Variants in A4GNT observed in about 807,000 individuals in gnomAD.
A4GNT encodes the protein alpha-1,4-N-acetylglucosaminyltransferase.
A4GNT carries 6 observed loss-of-function variants against 8.3 expected under a neutral mutation model. That is an observed-to-expected ratio of 0.72 (90% CI 0.39 to 1.42). The LOEUF (loss-of-function observed/expected upper bound fraction) is 1.42. Among genes scored for constraint, A4GNT ranks in the 40% most tolerant of loss-of-function variants. A4GNT has a pLI of 0.02. For synonymous variants in A4GNT, 157 were observed against 159.8 expected (o/e 0.98, Z 0.13); for missense variants, 377 against 417.0 (o/e 0.90, Z 0.84).
chr3:138,127,647 G>A (rs961018097), intron 2 of A4GNT, among the ~76,000 whole-genome samples: 4 of 151,754 alleles, frequency 2.6e-5, no homozygotes, highest in African/African-American at 9.7e-5. Flanking sequence ...GGTTCTAGCT[G>A]CTCAGAGAAC....
intron 2 of A4GNT, among the ~76,000 whole-genome samples, chr3:138,125,143 AC>A (rs762178859): frequency 2.0e-5 from 3 of 152,232 alleles, no homozygotes; most frequent in South Asian, 2.1e-4. Flanking sequence ...TTTTAAAAAA[AC>A]ATTAAAGCAT....
At chr3:138,130,283 C>A (rs539954193) in intron 2 of A4GNT, among the ~76,000 whole-genome samples, 2 of 152,200 alleles carry the variant, frequency 1.3e-5, no homozygotes, top group South Asian at 4.1e-4. Context: ...CTTTAAGCAA[C>A]CTGATTTCAG....
chr3:138,125,203 G>A (rs928060198), intron 2 of A4GNT, among the ~76,000 whole-genome samples: 2 of 152,174 alleles, frequency 1.3e-5, no homozygotes, highest in African/African-American at 2.4e-5. Context: ...TGCACTGTAT[G>A]AGTCATTCTT....
chr3:138,129,135 G>A (rs1263196820), intron 2 of A4GNT, among the ~76,000 whole-genome samples: 1 of 152,076 alleles, frequency 6.6e-6, no homozygotes, highest in Non-Finnish European at 1.5e-5. Context: ...ACCCAGGACA[G>A]TCCACCCAGT....
At chr3:138,132,916 C>T (rs540974967), upstream of A4GNT, among the ~76,000 whole-genome samples, 17 of 152,324 alleles carry the variant, frequency 1.1e-4, no homozygotes, top group Admixed American at 1.0e-3. Context: ...CAAGGTCCCC[C>T]TTATGGGGTA....
upstream of A4GNT, among the ~76,000 whole-genome samples, chr3:138,133,234 C>T (rs898505139): frequency 2.0e-5 from 3 of 152,194 alleles, no homozygotes; most frequent in Non-Finnish European, 2.9e-5. Context: ...TTGATGGCTT[C>T]TGGTTTTCTA....
chr3:138,130,639 A>G (rs994135331), intron 2 of A4GNT, among the ~76,000 whole-genome samples: 1 of 152,348 alleles, frequency 6.6e-6, no homozygotes, highest in Middle Eastern at 3.4e-3. Flanking sequence ...CCTAAAAGAA[A>G]TAAGGCTAGA....
chr3:138,124,747 G>C lies in A4GNT; in HGVS notation c.540C>G (p.Asn180Lys), dbSNP rs776307704. ...ACCGAGAAGCCTGCGCAGCCAAAAA[G>C]TTCTCCTCAGGGATGGGCCTGATGG... is the stretch of plus-strand genomic sequence containing the variant. ...VISIRPIPEE[N>K]FLAAQASRYS... The change falls in exon 3 of 3, where the codon AAC (asparagine) becomes AAG (lysine). Residue 180 changes from asparagine to lysine, a missense_variant. By Grantham distance (94) the Asn-to-Lys change is moderately conservative (BLOSUM62 0). Coordinates refer to ENST00000236709, the MANE Select transcript of A4GNT (RefSeq NM_016161.3). 1 of 1,614,198 alleles carries C rather than the reference G, an allele frequency of 6.2e-7. No individual in the cohort carries two copies. The highest frequency in any genetic ancestry group is 2.2e-5 in the East Asian group (1 of 44,888).
intron 1 of A4GNT, among the ~76,000 whole-genome samples, 189 bp from the exon 2 acceptor site, chr3:138,131,471 C>T (rs1340996711): frequency 6.6e-6 from 1 of 151,214 alleles, no homozygotes; most frequent in African/African-American, 2.4e-5. Flanking sequence ...GCCTGTAGTC[C>T]CAACTACTAG....
intron 2 of A4GNT, among the ~76,000 whole-genome samples, chr3:138,127,118 C>CAAAAAAAA (rs898641661): frequency 1.8e-4 from 6 of 34,054 alleles, no homozygotes; most frequent in Non-Finnish European, 4.1e-4. Flanking sequence ...GACTCCATCT[C>CAAAAAAAA]AAAAAAAAAA....
Position 138,131,143 on chromosome 3 carries a change from G to A in A4GNT, c.114C>T (p.Ser38=), listed in dbSNP as rs781079423. The change falls in exon 2 of 3, where the codon TCC becomes TCT. Residue 38 remains serine, a synonymous_variant. Transcript: ENST00000236709. Reference sequence around the variant, plus strand: ...TCAGGAGGGCTTCCAGCCCCTGGTGGGACTTGAAAGAAGGCAAACAGAAGA... The same window carrying A: ...TCAGGAGGGCTTCCAGCCCCTGGTGAGACTTGAAAGAAGGCAAACAGAAGA... ...SCLFCLPSFK[S]HQGLEALLSH... is the part of the protein sequence containing the mutation. 1 of 1,613,508 alleles carries A rather than the reference G, an allele frequency of 6.2e-7. No homozygotes were observed. Among genetic ancestry groups the A allele is most frequent in the Non-Finnish European group, 8.5e-7 (1 of 1,179,672 alleles).
rs2042736781 is a variant in A4GNT, at chr3:138,124,890, G to A, written c.409-12C>T. On this transcript the variant is annotated splice_polypyrimidine_tract_variant and intron_variant, in intron 2 of 2. Coordinates refer to ENST00000236709, the MANE Select transcript of A4GNT (RefSeq NM_016161.3). Reference sequence around the variant, plus strand: ...GCGCTGGCGTTGATCTGCAGGAGCAGGTGCAAATCAGCCCCAAGTAGCCAG... The same window carrying A: ...GCGCTGGCGTTGATCTGCAGGAGCAAGTGCAAATCAGCCCCAAGTAGCCAG... 1 of 1,604,426 alleles carries A rather than the reference G, an allele frequency of 6.2e-7. No homozygotes were observed. The highest frequency in any genetic ancestry group is 1.3e-5 in the African/African-American group (1 of 74,780).
At chr3:138,127,979 T>A (rs1013454202) in intron 2 of A4GNT, among the ~76,000 whole-genome samples, 6 of 152,092 alleles carry the variant, frequency 3.9e-5, no homozygotes, top group African/African-American at 1.4e-4. Flanking sequence ...CATAGTAAAA[T>A]TAAGGTGCAG....
Position 138,124,109 on chromosome 3 carries a change from T to A in A4GNT, c.*155A>T, listed in dbSNP as rs950485995. 1 of 1,054,324 alleles carries A rather than the reference T, an allele frequency of 9.5e-7. No individual in the cohort carries two copies. Among genetic ancestry groups the A allele is most frequent in the Non-Finnish European group, 1.3e-6 (1 of 747,408 alleles). The allele number at this position is 1,054,324 out of a possible 1,614,324, so 65.3% of individuals were successfully genotyped here. A position where few individuals can be genotyped will look rare whatever the true frequency, so the allele number is the denominator to read the frequency against. ...GTTTTATAGCCAGTATCATTTGGGA[T>A]TTTTCTATTACAGACAGAGAAAGCT... On this transcript the variant is annotated 3_prime_UTR_variant, in exon 3 of 3. Transcript: ENST00000236709.
In A4GNT at chr3:138,132,320, A is replaced by C. The variant is rs1265027991; in HGVS notation, c.-135T>G. ...TACATATAACCCTTTTAGAAAATAC[A>C]AAACAGTGAATCAGAGCCTAACTTC... is the stretch of plus-strand genomic sequence containing the variant. On this transcript the variant is annotated 5_prime_UTR_variant, in exon 1 of 3. Coordinates refer to ENST00000236709, the MANE Select transcript of A4GNT (RefSeq NM_016161.3). The C allele has an allele frequency of 6.6e-6, 1 of 152,356 alleles. No homozygotes were observed. The highest frequency in any genetic ancestry group is 1.9e-4 in the East Asian group (1 of 5,184). The allele number at this position is 152,356 out of a possible 1,614,324, so 9.4% of individuals were successfully genotyped here.
At position 138,123,921 on chromosome 3, in the gene A4GNT, C is replaced by T. The variant is rs1215695755; in HGVS notation, c.*343G>A. 1 of 205,264 alleles carries T rather than the reference C, an allele frequency of 4.9e-6. No individual in the cohort carries two copies. Among genetic ancestry groups the T allele is most frequent in the Non-Finnish European group, 9.8e-6 (1 of 102,206 alleles). 12.7% of individuals were successfully genotyped at this position (205,264 alleles called of 1,614,324 possible). A position where few individuals can be genotyped will look rare whatever the true frequency, so the allele number is the denominator to read the frequency against. On this transcript the variant is annotated 3_prime_UTR_variant, in exon 3 of 3. Coordinates refer to ENST00000236709, the MANE Select transcript of A4GNT (RefSeq NM_016161.3). ...TTAAACTTCCCAGCCTCTCTTGCAG[C>T]TACATCTCAGTCAGTGCAATGTAAG...
At position 138,131,264 on chromosome 3, in the gene A4GNT, TCTC is replaced by T; in HGVS notation, c.-11_-9del. The stretch of plus-strand genomic sequence containing the variant: ...CTGGAGCTCCTTCCGCATGTCCTCT[TCTC>T]TGTGCCAGCCTGCTCCTTTAAATCA... On this transcript the variant is annotated 5_prime_UTR_variant, in exon 2 of 3. Coordinates refer to ENST00000236709, the MANE Select transcript of A4GNT (RefSeq NM_016161.3). The T allele has an allele frequency of 6.4e-7, 1 of 1,564,848 alleles. No individual in the cohort carries two copies. Among genetic ancestry groups the T allele is most frequent in the East Asian group, 2.3e-5 (1 of 44,100 alleles).
At chr3:138,129,826 G>A (rs7613558) in intron 2 of A4GNT, among the ~76,000 whole-genome samples, 96,933 of 152,070 alleles carry the variant, frequency 0.64, 31,083 homozygotes, top group Admixed American at 0.69. Flanking sequence ...ACAGAGTCTC[G>A]CTATGTTGCC....
chr3:138,132,134 CA>C (rs1431448219), intron 1 of A4GNT, 77 bp downstream of exon 1: 40 of 152,290 alleles, frequency 2.6e-4, no homozygotes, highest in African/African-American at 9.1e-4. Flanking sequence ...TTGCCAAGAT[CA>C]CACGATTAGC....
Sources: allele counts gnomAD v4.1 joint callset (sites outside exome capture counted in the v4.1 genomes callset), GRCh38; gene constraint gnomAD v4.1.1; transcripts MANE v1.5; gene names NCBI Gene and HGNC (gene_info 2026-07-23, HGNC 2026-07-21).